The following ANTXRL variants were observed in gnomAD, a reference collection of about 807,000 sequenced individuals.
ANTXRL encodes the protein anthrax toxin receptor-like.
In ANTXRL, 63 loss-of-function variants were observed where a neutral mutation model predicts 75.4. The observed-to-expected ratio is 0.84, with a 90% CI of 0.68 to 1.03. ANTXRL has a LOEUF of 1.03. ANTXRL is among the 50% of genes least tolerant of loss of function. ANTXRL has a pLI of 0.00. For synonymous variants in ANTXRL, 335 were observed against 291.3 expected (o/e 1.15, Z -1.53); for missense variants, 797 against 789.4 (o/e 1.01, Z -0.12).
At chr10:46,303,114 C>G (rs1194888721) in intron 10 of ANTXRL, among the ~76,000 whole-genome samples, 2 of 152,200 alleles carry the variant, frequency 1.3e-5, no homozygotes, top group Non-Finnish European at 2.9e-5. Flanking sequence ...CATCTGCCCA[C>G]CTTAGCCTCA....
intron 5 of ANTXRL, 123 bp downstream of exon 5, chr10:46,296,375 C>T: frequency 1.8e-6 from 2 of 1,104,788 alleles, no homozygotes; most frequent in Non-Finnish European, 2.6e-6. Context: ...GCAAGTTGCT[C>T]ACCTGCTCTG....
intron 13 of ANTXRL, 48 bp downstream of exon 13, chr10:46,309,250 C>T: frequency 2.0e-6 from 3 of 1,532,484 alleles, no homozygotes; most frequent in Non-Finnish European, 1.7e-6. Flanking sequence ...CACAGGCCCA[C>T]CCTCTGAGGG....
At position 46,311,613 on chromosome 10, in the gene ANTXRL, T is replaced by C; in HGVS notation, c.1277T>C (p.Val426Ala). 2.2e-6 allele frequency: 3 copies of C among 1,382,034 alleles called. No homozygotes were observed. Among genetic ancestry groups the C allele is most frequent in the South Asian group, 2.5e-5 (2 of 80,866 alleles). The allele number at this position is 1,382,034 out of a possible 1,614,324, so 85.6% of individuals were successfully genotyped here. A position where few individuals can be genotyped will look rare whatever the true frequency, so the allele number is the denominator to read the frequency against. ...PPAPVNTCPTVIICCCGCQGV... is the reference protein window; with the variant it reads ...PPAPVNTCPTAIICCCGCQGV... ...GCTCCTGTAAACACCTGCCCCACTG[T>C]GATTATTTGTTGCTGTGGATGCCAA... is the stretch of plus-strand genomic sequence containing the variant. Residue 426 changes from valine to alanine, a missense_variant, in exon 15 of 17, where the codon GTG (valine) becomes GCG (alanine). By Grantham distance (64) the Val-to-Ala change is moderately conservative. Coordinates refer to ENST00000620264, the MANE Select transcript of ANTXRL (RefSeq NM_001278688.3).
At chr10:46,325,813 C>T (rs1839184724) in intron 16 of ANTXRL, among the ~76,000 whole-genome samples, 1 of 152,126 alleles carries the variant, frequency 6.6e-6, no homozygotes, top group Non-Finnish European at 1.5e-5. Flanking sequence ...TACCTCTTCT[C>T]ATGCAGGGGT....
chr10:46,293,266 C>A (rs1285108122), intron 2 of ANTXRL, among the ~76,000 whole-genome samples: 1 of 80,416 alleles, frequency 1.2e-5, no homozygotes, highest in Non-Finnish European at 2.9e-5. Context: ...GTGTGTATAC[C>A]TGTGCGTGTG....
intron 5 of ANTXRL, 102 bp from the exon 6 acceptor site, chr10:46,297,150 G>A: frequency 1.0e-6 from 1 of 961,158 alleles, no homozygotes; most frequent in Non-Finnish European, 1.6e-6. Context: ...ATGCCCTGGA[G>A]TGGGCAGCGC....
At chr10:46,293,772 A>G in intron 2 of ANTXRL, 57 bp from the exon 3 acceptor site, 1 of 1,458,910 alleles carries the variant, frequency 6.9e-7, no homozygotes, top group East Asian at 2.5e-5. Context: ...TGGCCTCACC[A>G]CCTTGGCTTC....
chr10:46,315,597 C>T (rs1838682196), intron 16 of ANTXRL, among the ~76,000 whole-genome samples: 1 of 152,148 alleles, frequency 6.6e-6, no homozygotes, highest in East Asian at 1.9e-4. Context: ...TCCACCCATG[C>T]CCGGCCTTGT....
intron 3 of ANTXRL, 39 bp downstream of exon 3, chr10:46,293,939 G>T (rs1554957726): frequency 6.6e-7 from 1 of 1,526,610 alleles, no homozygotes; most frequent in Non-Finnish European, 8.8e-7. Flanking sequence ...GGCCTGATGA[G>T]CTTGGCCAGA....
intron 16 of ANTXRL, 110 bp from the exon 17 acceptor site, chr10:46,329,489 G>T: frequency 2.2e-6 from 3 of 1,387,366 alleles, no homozygotes; most frequent in East Asian, 2.5e-5. Context: ...GGCCCACCCT[G>T]TGGGTCCCGA....
intron 16 of ANTXRL, among the ~76,000 whole-genome samples, chr10:46,315,353 G>T (rs1359585243): frequency 1.3e-5 from 2 of 152,230 alleles, no homozygotes; most frequent in Admixed American, 6.5e-5. Flanking sequence ...TGGAGACCAG[G>T]CTTGGATGGG....
intron 12 of ANTXRL, among the ~76,000 whole-genome samples, chr10:46,308,119 T>A (rs1205104562): frequency 3.9e-5 from 6 of 152,276 alleles, no homozygotes; most frequent in African/African-American, 1.4e-4. Context: ...GCGGGAGGCC[T>A]GAGCCCACTC....
chr10:46,310,649 G>A (rs1285679748), intron 14 of ANTXRL, 150 bp downstream of exon 14: 1 of 840,966 alleles, frequency 1.2e-6, no homozygotes, highest in Non-Finnish European at 1.9e-6. Flanking sequence ...GAAGATGGGG[G>A]ACTCACAGTG....
upstream of ANTXRL, chr10:46,286,858 G>A (rs1182726407): frequency 4.1e-6 from 1 of 242,256 alleles, no homozygotes. Context: ...GGGACACTGT[G>A]AGGGCTGTTA....
At chr10:46,291,712 T>A (rs1836993522) in intron 1 of ANTXRL, among the ~76,000 whole-genome samples, 1 of 152,186 alleles carries the variant, frequency 6.6e-6, no homozygotes, top group African/African-American at 2.4e-5. Context: ...ATATTTGGAT[T>A]GTTCACTGGG....
chr10:46,327,658 G>A (rs1554966772), intron 16 of ANTXRL, among the ~76,000 whole-genome samples: 1 of 152,126 alleles, frequency 6.6e-6, no homozygotes, highest in Admixed American at 6.5e-5. Context: ...AGCATTTGAG[G>A]CATTTGTCAC....
At chr10:46,301,973 TG>T (rs1837776315) in intron 9 of ANTXRL, among the ~76,000 whole-genome samples, 1 of 152,200 alleles carries the variant, frequency 6.6e-6, no homozygotes, top group Non-Finnish European at 1.5e-5. Context: ...GTGTCCCCTG[TG>T]GTCTTTGGGT....
At chr10:46,307,737 C>T (rs1323054291) in intron 12 of ANTXRL, among the ~76,000 whole-genome samples, 3 of 152,096 alleles carry the variant, frequency 2.0e-5, no homozygotes, top group Non-Finnish European at 4.4e-5. Flanking sequence ...CACACACTGC[C>T]GTCAGGGTAT....
intron 15 of ANTXRL, 42 bp from the exon 16 acceptor site, chr10:46,313,194 G>A: frequency 6.6e-7 from 1 of 1,510,876 alleles, no homozygotes; most frequent in Non-Finnish European, 8.9e-7. Flanking sequence ...TGGAGGCAGT[G>A]TCCAAGCTGC....
Sources: allele counts gnomAD v4.1 joint callset (sites outside exome capture counted in the v4.1 genomes callset), GRCh38; gene constraint gnomAD v4.1.1; transcripts MANE v1.5; gene names NCBI Gene and HGNC (gene_info 2026-07-23, HGNC 2026-07-21).